The following CREBRF variants were observed in gnomAD, a reference collection of about 807,000 sequenced individuals.
CREBRF encodes UPF0474 protein C5orf41.
Under a neutral mutation model 66.1 loss-of-function variants are expected in CREBRF, and 5 were observed. The observed-to-expected ratio is 0.08, with a 90% CI of 0.04 to 0.16. The LOEUF (loss-of-function observed/expected upper bound fraction) is 0.16, where lower values mean the gene tolerates loss of function less well. Among genes scored for constraint, CREBRF ranks in the 10% least tolerant of loss-of-function variants. The probability of loss-of-function intolerance (pLI) is 1.00; values close to 1 mark genes in which losing one functional copy is unlikely to be tolerated. For missense variants in CREBRF, 531 were observed against 744.9 expected (o/e 0.71, Z 3.34); for synonymous variants, 229 against 264.4 (o/e 0.87, Z 1.30).
chr5:173,078,142 C>A (rs761282861), intron 1 of CREBRF, among the ~76,000 whole-genome samples: 20 of 152,298 alleles, frequency 1.3e-4, no homozygotes, highest in South Asian at 1.0e-3. Context: ...AATACCAAAC[C>A]GTTTCCCACA....
intron 4 of CREBRF, among the ~76,000 whole-genome samples, chr5:173,095,183 CTTTTTTTTTTTTT>C (rs34893180): frequency 2.2e-5 from 2 of 89,558 alleles, no homozygotes; most frequent in African/African-American, 8.3e-5. Flanking sequence ...ATTACTATAG[CTTTTTTTTTTTTT>C]TTTTTTTTTT....
At chr5:173,081,185 C>G (rs2113708214) in intron 2 of CREBRF, among the ~76,000 whole-genome samples, 1 of 152,298 alleles carries the variant, frequency 6.6e-6, no homozygotes, top group South Asian at 2.1e-4. Flanking sequence ...TGAGAGACTT[C>G]AGGCTGCCTC....
rs770190971 is a variant in CREBRF, at chr5:173,123,127, C to T, written c.1729C>T (p.Arg577Trp). 3.7e-5 allele frequency: 59 copies of T among 1,604,046 alleles called. No individual in the cohort carries two copies. Among genetic ancestry groups the T allele is most frequent in the African/African-American group, 5.4e-5 (4 of 74,148 alleles). ...INSIKQEIVN[R>W]VQNPRDERGP... is the part of the protein sequence containing the mutation. ...CTCCATCAAGCAAGAGATTGTAAAC[C>T]GGGTACAGAATCCAAGAGATGAGAG... The change falls in exon 8 of 9, where the codon CGG becomes TGG. Residue 577 changes from arginine (R) to tryptophan (W), a missense_variant. Around this residue, in one of 5 missense-constraint regions of CREBRF, gnomAD observed 64 missense variants for 111.3 expected, o/e 0.58. Transcript: ENST00000296953.
intron 1 of CREBRF, among the ~76,000 whole-genome samples, chr5:173,058,023 A>G (rs1219785201): frequency 6.7e-6 from 1 of 149,238 alleles, no homozygotes. Context: ...AAATAGGATC[A>G]AGGCCTGGAA....
chr5:173,063,402 C>G (rs1757338463), intron 1 of CREBRF, among the ~76,000 whole-genome samples: 1 of 152,198 alleles, frequency 6.6e-6, no homozygotes, highest in African/African-American at 2.4e-5. Context: ...GAGTCTCACG[C>G]TGTTGCCCAC....
intron 1 of CREBRF, among the ~76,000 whole-genome samples, chr5:173,077,904 T>G (rs1435578689): frequency 6.6e-6 from 1 of 152,234 alleles, no homozygotes; most frequent in Non-Finnish European, 1.5e-5. Context: ...AGGATTTCAT[T>G]CATTTTCATG....
intron 2 of CREBRF, among the ~76,000 whole-genome samples, chr5:173,082,441 GA>G (rs199794523): frequency 2.0e-5 from 3 of 149,024 alleles, no homozygotes; most frequent in Non-Finnish European, 4.5e-5. Context: ...ATAAGAGAAA[GA>G]AAAAAAAATA....
rs898294213 is a variant in CREBRF, at chr5:173,090,654, T to A, written c.475T>A (p.Ser159Thr). Residue 159 changes from serine to threonine, a missense_variant, in exon 4 of 9, where the codon TCA (serine) becomes ACA (threonine). Physicochemically the swap from Ser to Thr is moderately conservative, Grantham distance 58. Coordinates refer to ENST00000296953, the MANE Select transcript of CREBRF (RefSeq NM_153607.3). This position sits in a 1 kb window ranked among gnomAD's most constrained non-coding sequence, Gnocchi z 4.5. ...SVSDSLYYPD[S>T]LFSVKQNPLP... is the part of the protein sequence containing the mutation. ...TTCTGATTCCCTTTATTACCCCGAT[T>A]CACTTTTCAGTGTCAAACAAAATCC... The A allele has an allele frequency of 6.2e-7, 1 of 1,614,058 alleles. No homozygotes were observed. The highest frequency in any genetic ancestry group is 1.3e-5 in the African/African-American group (1 of 74,920).
At position 173,128,944 on chromosome 5, in the gene CREBRF, C is replaced by T. The variant is rs889202396; in HGVS notation, c.1805-4686C>T. Reference sequence around the variant, plus strand: ...TACAGGTGCCCGCCACCATGCCCGGCGAATTTTTTGTATTTTTAGTGGAGA... The same window carrying T: ...TACAGGTGCCCGCCACCATGCCCGGTGAATTTTTTGTATTTTTAGTGGAGA... On this transcript the variant is annotated intron_variant, in intron 8 of 8. Coordinates refer to ENST00000296953, the MANE Select transcript of CREBRF (RefSeq NM_153607.3). 3.3e-5 allele frequency among the ~76,000 whole-genome samples: 5 copies of T among 151,344 alleles called. No individual in the cohort carries two copies. The South Asian group carries it at 6.2e-4, about 19-fold the overall frequency.
At chr5:173,073,133 G>T (rs1423198557) in intron 1 of CREBRF, among the ~76,000 whole-genome samples, 2 of 152,232 alleles carry the variant, frequency 1.3e-5, no homozygotes, top group Non-Finnish European at 2.9e-5. Context: ...GGTTCAAAAT[G>T]TAGATTTGCG....
chr5:173,065,107 G>A (rs550451229), intron 1 of CREBRF, among the ~76,000 whole-genome samples: 1 of 152,262 alleles, frequency 6.6e-6, no homozygotes, highest in Admixed American at 6.5e-5. Flanking sequence ...ACACATTGCA[G>A]CCCAATGTTA....
chr5:173,078,004 G>A (rs1248944989), intron 1 of CREBRF, among the ~76,000 whole-genome samples: 2 of 152,056 alleles, frequency 1.3e-5, no homozygotes, highest in Non-Finnish European at 2.9e-5. Context: ...TTTGGCTTTT[G>A]TGCATAATGC....
Position 173,132,366 on chromosome 5 carries a change from C to T in CREBRF, c.1805-1264C>T, listed in dbSNP as rs1229683792. ...CCTCCCAAAGCGTTGGTATTACAGG[C>T]GTGAGCCACTGCGCCCAGCCGACAA... On this transcript the variant is annotated intron_variant, in intron 8 of 8. Coordinates refer to ENST00000296953, the MANE Select transcript of CREBRF (RefSeq NM_153607.3). 2.7e-5 allele frequency among the ~76,000 whole-genome samples: 4 copies of T among 148,392 alleles called. No individual in the cohort carries two copies. In the Admixed American group the frequency reaches 2.7e-4, roughly 10 times the overall value.
intron 4 of CREBRF, among the ~76,000 whole-genome samples, chr5:173,107,759 G>A (rs1758781049): frequency 6.6e-6 from 1 of 151,480 alleles, no homozygotes; most frequent in African/African-American, 2.4e-5. Flanking sequence ...AGGACTGCTT[G>A]TGAACCCAGG....
chr5:173,130,966 C>G (rs1343141073), intron 8 of CREBRF, among the ~76,000 whole-genome samples: 1 of 152,184 alleles, frequency 6.6e-6, no homozygotes, highest in Non-Finnish European at 1.5e-5. Flanking sequence ...CTTGGCCACC[C>G]AAAGTGCTGG....
At chr5:173,086,754 C>G (rs993273895) in intron 3 of CREBRF, 128 bp downstream of exon 3, 3 of 611,906 alleles carry the variant, frequency 4.9e-6, no homozygotes, top group African/African-American at 3.9e-5. Context: ...ATGATTATAC[C>G]TAGGATAATT....
intron 4 of CREBRF, chr5:173,091,749 G>A: frequency 3.0e-6 from 3 of 1,005,372 alleles, no homozygotes; most frequent in Non-Finnish European, 3.6e-6. Context: ...ACTCTCTTGA[G>A]CATTTATGCA....
chr5:173,117,752 C>T (rs547754796), intron 7 of CREBRF, among the ~76,000 whole-genome samples: 2 of 149,206 alleles, frequency 1.3e-5, no homozygotes, highest in African/African-American at 5.0e-5. Context: ...GCTCTGTTGT[C>T]CAGGCTGGAG....
chr5:173,130,343 A>G (rs1169716341), intron 8 of CREBRF, among the ~76,000 whole-genome samples: 1 of 152,048 alleles, frequency 6.6e-6, no homozygotes, highest in African/African-American at 2.4e-5. Flanking sequence ...ATAATTTTCA[A>G]AGCTTTGTGT....
Sources: allele counts gnomAD v4.1 joint callset (sites outside exome capture counted in the v4.1 genomes callset), GRCh38; gene constraint gnomAD v4.1.1; regional missense constraint gnomAD v4.1.1; non-coding constraint Gnocchi (gnomAD v3.1); transcripts MANE v1.5; gene names NCBI Gene and HGNC (gene_info 2026-07-23, HGNC 2026-07-21).